P4HA1: variants seen among roughly 807,000 people sequenced by gnomAD.
The protein encoded by P4HA1 is prolyl 4-hydroxylase subunit alpha 1.
In P4HA1, 24 loss-of-function variants were observed where a neutral mutation model predicts 72.8. That is an observed-to-expected ratio of 0.33 (90% confidence interval 0.24 to 0.46). The LOEUF is 0.46. Ranked by LOEUF, P4HA1 falls within the 20% of genes least tolerant of loss-of-function variation. The probability of loss-of-function intolerance (pLI) is 1.00; values close to 1 mark genes in which losing one functional copy is unlikely to be tolerated. For synonymous variants in P4HA1, 201 were observed against 218.8 expected (o/e 0.92, Z 0.72); for missense variants, 446 against 640.6 (o/e 0.70, Z 3.28).
intron 10 of P4HA1, among the ~76,000 whole-genome samples, chr10:73,029,331 A>C (rs1364132763): frequency 6.6e-6 from 1 of 151,642 alleles, no homozygotes; most frequent in Non-Finnish European, 1.5e-5. Context: ...GAATCGCTTG[A>C]ACCAGGAGAC....
rs909490324 is a variant in P4HA1 at position 73,023,871 on chromosome 10, C to T, written c.1248+6400G>A. ...TCTGATCAAACAGACTTTAAACCAA[C>T]ACAGATCAAAAGAGACAAAGAAGGC... On this transcript the variant is annotated intron_variant, in intron 10 of 14. Transcript: ENST00000394890. Among the ~76,000 whole-genome samples, 4 of 149,910 alleles carry T rather than the reference C, an allele frequency of 2.7e-5. No individual in the cohort carries two copies. In the East Asian group the frequency reaches 5.9e-4, roughly 22 times the overall value.
At chr10:73,091,060 C>CAAAAAAAAA (rs202009101) in intron 1 of P4HA1, among the ~76,000 whole-genome samples, 1 of 49,294 alleles carries the variant, frequency 2.0e-5, no homozygotes, top group Non-Finnish European at 5.6e-5. Flanking sequence ...GAGTCCATCT[C>CAAAAAAAAA]AAAAAAAAAA....
At chr10:73,048,728 T>C (rs1203052238) in intron 7 of P4HA1, among the ~76,000 whole-genome samples, 1 of 152,222 alleles carries the variant, frequency 6.6e-6, no homozygotes, top group African/African-American at 2.4e-5. Flanking sequence ...CACTAGATAT[T>C]TGATATTACA....
chr10:73,073,932 A>T, intron 2 of P4HA1, 105 bp from the exon 3 acceptor site: 1 of 709,790 alleles, frequency 1.4e-6, no homozygotes, highest in South Asian at 1.5e-5. Context: ...TTTAACTGGC[A>T]TGAATCAGAT....
intron 10 of P4HA1, among the ~76,000 whole-genome samples, chr10:73,020,864 G>A (rs1433777254): frequency 1.3e-5 from 2 of 152,246 alleles, no homozygotes; most frequent in Non-Finnish European, 2.9e-5. Context: ...GCCAGGCACA[G>A]TGGCTCACAC....
intron 10 of P4HA1, among the ~76,000 whole-genome samples, chr10:73,025,382 T>C (rs185327685): frequency 6.6e-6 from 1 of 152,288 alleles, no homozygotes; most frequent in African/African-American, 2.4e-5. Context: ...ATTATCTCAA[T>C]AGATGCAGAA....
At chr10:73,086,203 C>T (rs1245295418) in intron 1 of P4HA1, among the ~76,000 whole-genome samples, 1 of 152,204 alleles carries the variant, frequency 6.6e-6, no homozygotes, top group African/African-American at 2.4e-5. Flanking sequence ...AATGAGAACA[C>T]ATGCCCAGGC....
intron 7 of P4HA1, among the ~76,000 whole-genome samples, chr10:73,047,549 C>CAAAAAAAAA (rs1167975608): frequency 1.7e-5 from 1 of 59,124 alleles, no homozygotes; most frequent in African/African-American, 4.4e-5. Context: ...ATGCTTGTGG[C>CAAAAAAAAA]AAAAAAAAAA....
At position 73,007,406 on chromosome 10, in the gene P4HA1, C is replaced by T. The variant is rs1213053851; in HGVS notation, c.*816G>A. 1 of 152,374 alleles carries T rather than the reference C, an allele frequency of 6.6e-6. No homozygotes were observed. The highest frequency in any genetic ancestry group is 2.1e-4 in the South Asian group (1 of 4,818). 9.4% of individuals were successfully genotyped at this position (152,374 alleles called of 1,614,324 possible). A position where few individuals can be genotyped will look rare whatever the true frequency, so the allele number is the denominator to read the frequency against. On this transcript the variant is annotated 3_prime_UTR_variant, in exon 15 of 15. Coordinates refer to ENST00000394890, the MANE Select transcript of P4HA1 (RefSeq NM_001017962.3). ...TAAGGCACAGTATTTAATCAGAATGCCAATATTACCACCCTGCTGTAGCAG... is the reference window on the plus strand; with the variant it reads ...TAAGGCACAGTATTTAATCAGAATGTCAATATTACCACCCTGCTGTAGCAG...
intron 9 of P4HA1, among the ~76,000 whole-genome samples, chr10:73,043,587 T>G (rs1172578577): frequency 1.3e-5 from 2 of 152,240 alleles, no homozygotes; most frequent in African/African-American, 4.8e-5. Context: ...AAAAGAGGCC[T>G]TGTTTAATGA....
At chr10:73,047,144 A>G (rs754490466) in intron 7 of P4HA1, 43 bp from the exon 8 acceptor site, 1 of 1,255,430 alleles carries the variant, frequency 8.0e-7, no homozygotes, top group South Asian at 1.2e-5. Flanking sequence ...TTACAGTAAT[A>G]ATACTTTTAA....
At chr10:73,050,464 G>A (rs549094617) in intron 7 of P4HA1, among the ~76,000 whole-genome samples, 12 of 152,004 alleles carry the variant, frequency 7.9e-5, no homozygotes, top group South Asian at 2.1e-4. Flanking sequence ...CACTTTGGGA[G>A]ACCAAGGCAG....
At chr10:73,094,713 G>A (rs1842122906) in intron 1 of P4HA1, among the ~76,000 whole-genome samples, 1 of 152,186 alleles carries the variant, frequency 6.6e-6, no homozygotes, top group Non-Finnish European at 1.5e-5. Flanking sequence ...CTGCTTTTCA[G>A]TATACAACTT....
chr10:73,038,622 CT>C (rs745518781), intron 9 of P4HA1, among the ~76,000 whole-genome samples: 122 of 108,818 alleles, frequency 1.1e-3, no homozygotes, highest in Middle Eastern at 5.6e-3. Flanking sequence ...TTTTTATTTG[CT>C]TTTTTTTTTT....
chr10:73,037,553 ATATATATATATATATATAT>A (rs1484067536), intron 9 of P4HA1, among the ~76,000 whole-genome samples: 439 of 32,194 alleles, frequency 0.014, 29 homozygotes, highest in Admixed American at 0.062. Context: ...ATATATATAT[ATATATATATATATATATAT>A]TTTTTTTTTT....
chr10:73,067,906 A>G (rs1389598400), intron 5 of P4HA1, among the ~76,000 whole-genome samples: 1 of 152,180 alleles, frequency 6.6e-6, no homozygotes, highest in Non-Finnish European at 1.5e-5. Flanking sequence ...TGTCTTGTTC[A>G]TTATGTGTCC....
At chr10:73,015,134 A>C (rs988571070) in intron 11 of P4HA1, among the ~76,000 whole-genome samples, 1 of 151,972 alleles carries the variant, frequency 6.6e-6, no homozygotes, top group African/African-American at 2.4e-5. Flanking sequence ...CCTGGCCCCT[A>C]GTATTATTTT....
chr10:73,011,250 A>G (rs910942517), intron 12 of P4HA1, among the ~76,000 whole-genome samples: 6 of 152,250 alleles, frequency 3.9e-5, no homozygotes, highest in Non-Finnish European at 5.9e-5. Flanking sequence ...AAAGGAATGA[A>G]TAACAAAAAA....
chr10:73,059,424 TAAAAAAAAA>T (rs920360586), intron 5 of P4HA1, among the ~76,000 whole-genome samples: 11 of 24,176 alleles, frequency 4.5e-4, no homozygotes, highest in Admixed American at 1.5e-3. Flanking sequence ...ACAATATATT[TAAAAAAAAA>T]AAAAAAAAAA....
Sources: gnomAD v4.1 joint callset for allele counts (sites outside exome capture counted in the v4.1 genomes callset) on GRCh38, gnomAD v4.1.1 for gene constraint, MANE v1.5 for transcripts, NCBI Gene and HGNC (gene_info 2026-07-23, HGNC 2026-07-21) for gene names.